The following KCNQ1 variants were observed in gnomAD, a reference collection of about 807,000 sequenced individuals.
The protein encoded by KCNQ1 is potassium voltage-gated channel subfamily KQT member 1.
In KCNQ1, 49 loss-of-function variants were observed where a neutral mutation model predicts 72.4. The observed-to-expected ratio is 0.68, with a 90% CI of 0.54 to 0.86. KCNQ1 has a LOEUF of 0.86. Ranked by LOEUF, KCNQ1 falls within the 40% of genes least tolerant of loss-of-function variation. The pLI is 0.00. For missense variants in KCNQ1, 790 were observed against 945.1 expected, an observed-to-expected ratio of 0.84 and a Z score of 2.15; for synonymous variants, 450 against 412.6, an observed-to-expected ratio of 1.09 and a Z score of -1.10.
At chr11:2,737,615 G>A (rs745441758) in intron 11 of KCNQ1, among the ~76,000 whole-genome samples, 3 of 152,222 alleles carry the variant, frequency 2.0e-5, no homozygotes, top group Non-Finnish European at 2.9e-5. Context: ...ATTTGACTCC[G>A]TTCACGGCGA....
At chr11:2,680,060 A>ATT (rs563953512) in intron 11 of KCNQ1, 28 of 320,584 alleles carry the variant, frequency 8.7e-5, no homozygotes, top group Non-Finnish European at 8.4e-5. Context: ...TGACTGGCTA[A>ATT]TTTTTTTTTT....
chr11:2,610,331 A>T (rs984649249), intron 10 of KCNQ1: 2 of 397,978 alleles, frequency 5.0e-6, no homozygotes, highest in African/African-American at 2.1e-5. Context: ...CATCTTTATT[A>T]TGCGCTATTA....
intron 11 of KCNQ1, chr11:2,666,547 T>C (rs1274847043): frequency 5.0e-6 from 2 of 398,540 alleles, no homozygotes; most frequent in Non-Finnish European, 8.8e-6. Context: ...TACTAATGTC[T>C]CCTGAATTCT....
intron 2 of KCNQ1, among the ~76,000 whole-genome samples, chr11:2,568,845 A>G (rs555699329): frequency 6.6e-6 from 1 of 152,260 alleles, no homozygotes; most frequent in South Asian, 2.1e-4. Flanking sequence ...CAGAGCCTGC[A>G]GGTGTCCACA....
Position 2,725,298 on chromosome 11 carries a change from G to C in KCNQ1, c.1515-43546G>C, listed in dbSNP as rs575071961. 8.5e-5 allele frequency among the ~76,000 whole-genome samples: 13 copies of C among 152,194 alleles called. No individual in the cohort carries two copies. Among genetic ancestry groups the C allele is most frequent in the Non-Finnish European group, 1.5e-5 (1 of 68,034 alleles). On this transcript the variant is annotated intron_variant, in intron 11 of 15. Coordinates refer to ENST00000155840, the MANE Select transcript of KCNQ1 (RefSeq NM_000218.3). This position sits in a 1 kb window ranked among gnomAD's most constrained non-coding sequence, Gnocchi z 7.2. ...ACTCCAGGGTCGGGGGCTCAGCCAC[G>C]GGACCAGCGCTTGCCAGAAATGTTC... is the stretch of plus-strand genomic sequence containing the variant.
chr11:2,613,640 G>C lies in KCNQ1; in HGVS notation c.1393+24786G>C, dbSNP rs2133793911. ...TTTTATCATTGCTTTTCAGGGAGTG[G>C]TTATATCAAGGTGCTCATTCCACCA... On this transcript the variant is annotated intron_variant, in intron 10 of 15. Transcript: ENST00000155840. The surrounding 1 kb of genome is among the most constrained non-coding windows in gnomAD (Gnocchi z 4.8). 2 of 398,408 alleles carry C rather than the reference G, an allele frequency of 5.0e-6. No individual in the cohort carries two copies. The highest frequency in any genetic ancestry group is 2.6e-4 in the South Asian group (2 of 7,842). The allele number at this position is 398,408 out of a possible 1,614,324, so 24.7% of individuals were successfully genotyped here. A position where few individuals can be genotyped will look rare whatever the true frequency, so the allele number is the denominator to read the frequency against.
At position 2,718,991 on chromosome 11, in the gene KCNQ1, G is replaced by A. The variant is rs373540874; in HGVS notation, c.1515-49853G>A. ...CCCCACCCTGGGGTGAAGGCTTGGCGTCTGCCAGGGACCATAGACCACAGA... is the reference window on the plus strand; with the variant it reads ...CCCCACCCTGGGGTGAAGGCTTGGCATCTGCCAGGGACCATAGACCACAGA... On this transcript the variant is annotated intron_variant, in intron 11 of 15. Coordinates refer to ENST00000155840, the MANE Select transcript of KCNQ1 (RefSeq NM_000218.3). Among the ~76,000 whole-genome samples, 273 of 152,360 alleles carry A rather than the reference G, an allele frequency of 1.8e-3. 1 individual carries two copies. Among genetic ancestry groups the A allele is most frequent in the African/African-American group, 6.1e-3 (252 of 41,588 alleles).
intron 10 of KCNQ1, chr11:2,641,394 CT>C (rs149997993): frequency 1.5e-4 from 57 of 378,198 alleles, no homozygotes; most frequent in East Asian, 5.2e-4. Flanking sequence ...TGATGTTGGG[CT>C]TTTTTTTTTA....
At chr11:2,696,982 A>C (rs899089895) in intron 11 of KCNQ1, 3 of 397,840 alleles carry the variant, frequency 7.5e-6, no homozygotes, top group African/African-American at 6.2e-5. Flanking sequence ...TTTTTTTTCC[A>C]TGTAGCCCAG....
In KCNQ1 at chr11:2,451,274, G is replaced by A. The variant is rs1589887392; in HGVS notation, c.386+5790G>A. Among the ~76,000 whole-genome samples the A allele has an allele frequency of 6.6e-6, 1 of 152,300 alleles. No individual in the cohort carries two copies. Among genetic ancestry groups the A allele is most frequent in the East Asian group, 1.9e-4 (1 of 5,184 alleles). On this transcript the variant is annotated intron_variant, in intron 1 of 15. Transcript: ENST00000155840. The surrounding 1 kb of genome is among the most constrained non-coding windows in gnomAD (Gnocchi z 6.4). Reference sequence around the variant, plus strand: ...GGTATTAGATTCTCATAAGAAGCGTGCAACCTAGATCCCTTGTGTGCGCAG... The same window carrying A: ...GGTATTAGATTCTCATAAGAAGCGTACAACCTAGATCCCTTGTGTGCGCAG...
At chr11:2,847,667 G>T in intron 15 of KCNQ1, 100 bp from the exon 16 acceptor site, 2 of 1,115,972 alleles carry the variant, frequency 1.8e-6, no homozygotes, top group Non-Finnish European at 2.6e-6. Flanking sequence ...AGAGACGGTT[G>T]GCACCTTCCC....
chr11:2,836,570 G>A (rs1009842446), intron 15 of KCNQ1, among the ~76,000 whole-genome samples: 4 of 152,166 alleles, frequency 2.6e-5, no homozygotes, highest in Middle Eastern at 3.2e-3. Flanking sequence ...CAGCCTCCAC[G>A]CCCACCAGCA....
intron 7 of KCNQ1, 81 bp downstream of exon 7, chr11:2,583,626 C>A: frequency 1.1e-6 from 1 of 938,540 alleles, no homozygotes; most frequent in Non-Finnish European, 1.8e-6. Flanking sequence ...TCCCTGTGAG[C>A]AGACCCACTT....
In KCNQ1 at chr11:2,670,794, A is replaced by T. The variant is rs1446502037; in HGVS notation, c.1514+8713A>T. On this transcript the variant is annotated intron_variant, in intron 11 of 15. Transcript: ENST00000155840. This position sits in a 1 kb window ranked among gnomAD's most constrained non-coding sequence, Gnocchi z 4.9. ...CTGCCCTCTGCAATAAGAATTCTTC[A>T]AGTTCAGCCTCTATGTGCATCATAA... 2.5e-6 allele frequency: 1 copy of T among 398,546 alleles called. No individual in the cohort carries two copies. The highest frequency in any genetic ancestry group is 4.4e-5 in the Admixed American group (1 of 22,728). 24.7% of individuals were successfully genotyped at this position (398,546 alleles called of 1,614,324 possible). A position where few individuals can be genotyped will look rare whatever the true frequency, so the allele number is the denominator to read the frequency against.
chr11:2,777,089 C>A, intron 14 of KCNQ1, 57 bp downstream of exon 14: 1 of 1,526,664 alleles, frequency 6.6e-7, no homozygotes, highest in Non-Finnish European at 9.1e-7. Context: ...CTCTCCCGCA[C>A]CTCTGCCCTC....
At chr11:2,644,513 C>A (rs566023790) in intron 10 of KCNQ1, 6 of 398,180 alleles carry the variant, frequency 1.5e-5, no homozygotes, top group African/African-American at 1.2e-4. Flanking sequence ...TCTATCAGAT[C>A]TTCTTTAATA....
intron 10 of KCNQ1, chr11:2,639,215 G>T (rs564101368): frequency 1.3e-5 from 2 of 152,288 alleles, no homozygotes; most frequent in South Asian, 4.1e-4. Flanking sequence ...CTCTCAACTT[G>T]TCAAAGTCAT....
intron 15 of KCNQ1, among the ~76,000 whole-genome samples, chr11:2,793,804 C>T (rs528974563): frequency 6.6e-6 from 1 of 152,180 alleles, no homozygotes; most frequent in Non-Finnish European, 1.5e-5. Context: ...GGTGGGCTGG[C>T]CCCTGCTCCT....
Position 2,588,702 on chromosome 11 carries a change from G to T in KCNQ1, c.1252-11G>T, listed in dbSNP as rs773848861. The T allele has an allele frequency of 1.9e-6, 3 of 1,612,564 alleles. No homozygotes were observed. Among genetic ancestry groups the T allele is most frequent in the Admixed American group, 3.3e-5 (2 of 59,974 alleles). On this transcript the variant is annotated splice_polypyrimidine_tract_variant and intron_variant, in intron 9 of 15. Coordinates refer to ENST00000155840, the MANE Select transcript of KCNQ1 (RefSeq NM_000218.3). This position sits in a 1 kb window ranked among gnomAD's most constrained non-coding sequence, Gnocchi z 5.6. ...CCAGGAACCGCTAATCTGTTGTCTT[G>T]TTTTTTTTAGGTAAAGAAAAAAAAG...
Sources: gnomAD v4.1 joint callset for allele counts (sites outside exome capture counted in the v4.1 genomes callset) on GRCh38, gnomAD v4.1.1 for gene constraint, Gnocchi (gnomAD v3.1) non-coding constraint, MANE v1.5 for transcripts, NCBI Gene and HGNC (gene_info 2026-07-23, HGNC 2026-07-21) for gene names.